Variants in KLF17 observed in about 807,000 individuals in gnomAD.
KLF17 encodes the protein Krueppel-like factor 17.
Under a neutral mutation model 34.2 loss-of-function variants are expected in KLF17, and 31 were observed. That is an observed-to-expected ratio of 0.91 (90% confidence interval 0.68 to 1.22). KLF17 has a LOEUF of 1.22. Among genes scored for constraint, KLF17 ranks in the 50% most tolerant of loss-of-function variants. The pLI is 0.00. For synonymous variants in KLF17, 179 were observed against 186.7 expected, an observed-to-expected ratio of 0.96 and a Z score of 0.34; for missense variants, 478 against 505.2, an observed-to-expected ratio of 0.95 and a Z score of 0.52.
the KLF17 span, among the ~76,000 whole-genome samples, chr1:44,092,342 G>A: frequency 9.9e-5 from 15 of 151,946 alleles, 1 homozygote; most frequent in South Asian, 2.5e-3. Context: ...ACAAAACTTC[G>A]TCTCAAAAAA....
chr1:44,103,682 C>A, the KLF17 span: 24 of 1,608,350 alleles, frequency 1.5e-5, no homozygotes, highest in Non-Finnish European at 2.0e-5. Flanking sequence ...GCGCCATGTC[C>A]TGCTTGGCCG....
At chr1:44,102,827 A>AT in the KLF17 span, among the ~76,000 whole-genome samples, 1 of 148,282 alleles carries the variant, frequency 6.7e-6, no homozygotes, top group Non-Finnish European at 1.5e-5. Flanking sequence ...CTTTCTACCT[A>AT]TTTTTTCTGT....
At chr1:44,115,416 A>T (rs1162722578), upstream of KLF17, 1 of 134,404 alleles carries the variant, frequency 7.4e-6, no homozygotes, top group African/African-American at 2.9e-5. Flanking sequence ...GCGCCACTGC[A>T]CTCTAGCCTG....
intron 3 of KLF17, among the ~76,000 whole-genome samples, chr1:44,132,978 T>C (rs1365187015): frequency 6.6e-6 from 1 of 152,202 alleles, no homozygotes; most frequent in Non-Finnish European, 1.5e-5. Context: ...AGGTGGTCTC[T>C]TCCGTAAGAA....
rs142760680 is a variant in KLF17 at position 44,129,646 on chromosome 1, G to A, written c.375G>A (p.Thr125=). Residue 125 remains threonine (T), a synonymous_variant, in exon 2 of 4, where the codon ACG becomes ACA. Coordinates refer to ENST00000372299, the MANE Select transcript of KLF17 (RefSeq NM_173484.4). Reference sequence around the variant, plus strand: ...TGTCTCCCCCTCAGCAAGAGATGACGATTTTCAGTGGGCCCCAACTAATGC... The same window carrying A: ...TGTCTCCCCCTCAGCAAGAGATGACAATTTTCAGTGGGCCCCAACTAATGC... ...QRMSPPQQEM[T]IFSGPQLMPV... is the part of the protein sequence containing the mutation. The A allele has an allele frequency of 3.7e-4, 597 of 1,614,156 alleles. 1 individual carries two copies. In the African/African-American group the frequency reaches 6.8e-3, roughly 18 times the overall value.
chr1:44,104,593 G>C, the KLF17 span: 1 of 602,672 alleles, frequency 1.7e-6, no homozygotes, highest in Non-Finnish European at 3.1e-6. Context: ...TGCCTCCCAT[G>C]CCGCTGGTCC....
intron 1 of KLF17, among the ~76,000 whole-genome samples, chr1:44,125,598 G>C (rs1239745314): frequency 6.6e-6 from 1 of 152,116 alleles, no homozygotes; most frequent in Non-Finnish European, 1.5e-5. Flanking sequence ...CTCCTGAGTA[G>C]CTGGGATTAC....
chr1:44,098,362 C>A, the KLF17 span, among the ~76,000 whole-genome samples: 1 of 151,718 alleles, frequency 6.6e-6, no homozygotes, highest in African/African-American at 2.4e-5. Context: ...TTTAATTAGT[C>A]TATCTAAAGG....
chr1:44,073,209 C>CTTTTTT, the KLF17 span, among the ~76,000 whole-genome samples: 7,425 of 137,528 alleles, frequency 0.054, 225 homozygotes, highest in Non-Finnish European at 0.076. Flanking sequence ...TCTTCTTCTT[C>CTTTTTT]TTTTTTTTTT....
chr1:44,055,975 A>T, the KLF17 span, among the ~76,000 whole-genome samples: 279 of 152,318 alleles, frequency 1.8e-3, no homozygotes, highest in African/African-American at 6.1e-3. Flanking sequence ...GAAGATGCTC[A>T]TTGGTTCATA....
At chr1:44,091,435 C>G in the KLF17 span, among the ~76,000 whole-genome samples, 3 of 151,836 alleles carry the variant, frequency 2.0e-5, no homozygotes, top group Non-Finnish European at 4.4e-5. Flanking sequence ...GCAGGTGGAT[C>G]ATTTGAGGTC....
chr1:44,068,464 A>G, the KLF17 span, among the ~76,000 whole-genome samples: 1 of 152,178 alleles, frequency 6.6e-6, no homozygotes, highest in Non-Finnish European at 1.5e-5. Context: ...CCCTCCAGTT[A>G]CTATGTAGCC....
the KLF17 span, chr1:44,110,422 G>A: frequency 6.6e-6 from 1 of 152,312 alleles, no homozygotes; most frequent in East Asian, 1.9e-4. Flanking sequence ...CGGGTGCAGT[G>A]GCTCATGCCT....
the KLF17 span, among the ~76,000 whole-genome samples, chr1:44,062,863 G>C: frequency 6.6e-6 from 1 of 152,168 alleles, no homozygotes; most frequent in Non-Finnish European, 1.5e-5. Context: ...CATACACTCT[G>C]TGACCAACAA....
intron 1 of KLF17, among the ~76,000 whole-genome samples, chr1:44,127,692 T>TTCTTTCTTTCTTTCTTTTTCTTTC (rs753421834): frequency 2.0e-3 from 179 of 90,100 alleles, no homozygotes; most frequent in Non-Finnish European, 2.6e-3. Flanking sequence ...CTTTCTTTCT[T>TTCTTTCTTTCTTTCTTTTTCTTTC]TTTCTTTCTT....
the KLF17 span, among the ~76,000 whole-genome samples, chr1:44,077,136 G>C: frequency 6.6e-6 from 1 of 151,948 alleles, no homozygotes; most frequent in African/African-American, 2.4e-5. Flanking sequence ...GTTTAGATCA[G>C]GAGTTCAAGA....
At chr1:44,128,802 C>A (rs761424706) in intron 1 of KLF17, among the ~76,000 whole-genome samples, 3 of 152,168 alleles carry the variant, frequency 2.0e-5, no homozygotes, top group Non-Finnish European at 4.4e-5. Context: ...CACCTGAGGT[C>A]AGGAGCTCAA....
At chr1:44,083,358 G>T in the KLF17 span, among the ~76,000 whole-genome samples, 1 of 151,900 alleles carries the variant, frequency 6.6e-6, no homozygotes, top group South Asian at 2.1e-4. Flanking sequence ...GTTGGTGACA[G>T]AATTATTCTC....
the KLF17 span, among the ~76,000 whole-genome samples, chr1:44,103,094 CA>C: frequency 6.6e-6 from 1 of 151,840 alleles, no homozygotes. Context: ...TTTGGACACA[CA>C]AAAAAGAAAA....
Sources: gnomAD v4.1 joint callset for allele counts (sites outside exome capture counted in the v4.1 genomes callset) on GRCh38, gnomAD v4.1.1 for gene constraint, MANE v1.5 for transcripts, NCBI Gene and HGNC (gene_info 2026-07-23, HGNC 2026-07-21) for gene names.